TOP2A: variants seen among roughly 807,000 people sequenced by gnomAD.
TOP2A encodes DNA topoisomerase 2-alpha.
In TOP2A, 68 loss-of-function variants were observed where a neutral mutation model predicts 187.2. The observed-to-expected ratio is 0.36, with a 90% confidence interval of 0.30 to 0.44. TOP2A has a LOEUF of 0.44. Among genes scored for constraint, TOP2A ranks in the 20% least tolerant of loss-of-function variants. The pLI, the probability that TOP2A is intolerant of heterozygous loss-of-function variation, is 1.00. For missense variants in TOP2A, 1,196 were observed against 1,808.7 expected, an observed-to-expected ratio of 0.66 and a Z score of 6.14; for synonymous variants, 542 against 593.2, an observed-to-expected ratio of 0.91 and a Z score of 1.25.
intron 19 of TOP2A, among the ~76,000 whole-genome samples, chr17:40,403,609 A>T (rs2035206865): frequency 6.6e-6 from 1 of 152,250 alleles, no homozygotes; most frequent in African/African-American, 2.4e-5. Context: ...TTACATAATT[A>T]ATGCAAAAAG....
chr17:40,392,743 G>C lies in TOP2A; in HGVS notation c.3812-6C>G. The C allele has an allele frequency of 6.2e-7, 1 of 1,600,310 alleles. No homozygotes were observed. Among genetic ancestry groups the C allele is most frequent in the Non-Finnish European group, 8.5e-7 (1 of 1,176,380 alleles). On this transcript the variant is annotated splice_polypyrimidine_tract_variant and splice_region_variant and intron_variant, in intron 29 of 34. Transcript: ENST00000423485. Reference sequence around the variant, plus strand: ...TTGTTTCTTTGTCTTTGTACCTAGAGGGGAGATAGAAATTAATCACCTTTA... The same window carrying C: ...TTGTTTCTTTGTCTTTGTACCTAGACGGGAGATAGAAATTAATCACCTTTA...
Position 40,399,039 on chromosome 17 carries a change from C to T in TOP2A, c.3288+1G>A. ...TATAGAAAAGTGCCACCCAAGATTACCTTTTGCTGGGCTTCTTTCCAGGCC... is the reference window on the plus strand; with the variant it reads ...TATAGAAAAGTGCCACCCAAGATTATCTTTTGCTGGGCTTCTTTCCAGGCC... On this transcript the variant is annotated splice_donor_variant, in intron 25 of 34. Transcript: ENST00000423485. LOFTEE classifies it high-confidence loss of function. 6.3e-7 allele frequency: 1 copy of T among 1,591,952 alleles called. No individual in the cohort carries two copies. Among genetic ancestry groups the T allele is most frequent in the Admixed American group, 1.8e-5 (1 of 56,154 alleles).
chr17:40,414,483 T>C (rs1457308725), intron 4 of TOP2A, among the ~76,000 whole-genome samples: 4 of 151,914 alleles, frequency 2.6e-5, no homozygotes, highest in Non-Finnish European at 5.9e-5. Context: ...ATTACAGGAG[T>C]GAGTCATCAT....
intron 1 of TOP2A, 128 bp downstream of exon 1, chr17:40,417,643 G>A (rs2035408934): frequency 1.9e-6 from 3 of 1,541,204 alleles, no homozygotes; most frequent in Non-Finnish European, 1.8e-6. Context: ...AACCGGGAAT[G>A]GAGAATATGG....
In TOP2A at chr17:40,398,590, CT is replaced by C; in HGVS notation, c.3504del (p.Glu1169LysfsTer55). The C allele has an allele frequency of 6.3e-7, 1 of 1,590,194 alleles. No homozygotes were observed. Among genetic ancestry groups the C allele is most frequent in the Non-Finnish European group, 8.6e-7 (1 of 1,166,636 alleles). The part of the protein sequence containing the change: ...LKRKSPSDLW[K>X]EDLATFIEEL... ...TCTTCAATAAATGTAGCCAAGTCTT[CT>C]TTCCACAAATCTGATGGACTCTTTC... On this transcript the variant is annotated frameshift_variant, in exon 27 of 35. Coordinates refer to ENST00000423485, the MANE Select transcript of TOP2A (RefSeq NM_001067.4). LOFTEE classifies it high-confidence loss of function.
chr17:40,416,600 A>G lies in TOP2A; in HGVS notation c.178-88T>C. ...TTACCATAAAGTGTTCATATTAAGT[A>G]TTACCATATTTAGGCCAGTTCCAGT... On this transcript the variant is annotated intron_variant, in intron 2 of 34. Transcript: ENST00000423485. 3 of 1,421,530 alleles carry G rather than the reference A, an allele frequency of 2.1e-6. No individual in the cohort carries two copies. The Admixed American group carries it at 5.3e-5, about 25-fold the overall frequency. 88.1% of individuals were successfully genotyped at this position (1,421,530 alleles called of 1,614,324 possible).
chr17:40,401,616 G>A (rs952915994), intron 20 of TOP2A, among the ~76,000 whole-genome samples: 8 of 152,114 alleles, frequency 5.3e-5, no homozygotes, highest in African/African-American at 1.9e-4. Flanking sequence ...GGCTGAGGCA[G>A]GAGAATCACT....
intron 32 of TOP2A, 72 bp downstream of exon 32, chr17:40,391,996 A>G (rs1313910423): frequency 6.7e-7 from 1 of 1,492,780 alleles, no homozygotes; most frequent in African/African-American, 1.4e-5. Context: ...TAATGTAGCC[A>G]GGATTAGAAC....
At chr17:40,391,899 C>T (rs1178539435) in intron 32 of TOP2A, 169 bp downstream of exon 32, 3 of 797,922 alleles carry the variant, frequency 3.8e-6, no homozygotes, top group Middle Eastern at 3.7e-4. Flanking sequence ...AATGCAGTAC[C>T]TATTTACATG....
intron 2 of TOP2A, 106 bp downstream of exon 2, chr17:40,416,634 G>A (rs2035393783): frequency 6.9e-7 from 1 of 1,449,518 alleles, no homozygotes; most frequent in Admixed American, 1.8e-5. Context: ...GTGACACTCA[G>A]TACATGAGAG....
At chr17:40,403,199 T>C (rs941384083) in intron 19 of TOP2A, 145 bp from the exon 20 acceptor site, 20 of 782,482 alleles carry the variant, frequency 2.6e-5, no homozygotes, top group Non-Finnish European at 3.1e-5. Flanking sequence ...GAAATAGTAC[T>C]TGAACCTACA....
chr17:40,410,422 G>T (rs991024037), intron 10 of TOP2A, among the ~76,000 whole-genome samples: 52 of 152,318 alleles, frequency 3.4e-4, no homozygotes, highest in African/African-American at 1.2e-3. Flanking sequence ...GATCTTTCTT[G>T]TTGGCCAAAT....
Position 40,395,538 on chromosome 17 carries a change from T to G in TOP2A, c.3722A>C (p.Asn1241Thr), listed in dbSNP as rs768889807. ...TTGAGGGCTTCCTTCAGTATTTTCA[T>G]TCTAAAAGATAGCAAAGTTAGGGTT... ...AEKKNKKKIK[N>T]ENTEGSPQED... The change falls in exon 29 of 35, where the codon AAT becomes ACT. Residue 1241 changes from asparagine (N) to threonine (T), a missense_variant and splice_region_variant. Asn to Thr is a moderately conservative substitution (Grantham distance 65, BLOSUM62 0). Around this residue, in one of 10 missense-constraint regions of TOP2A, gnomAD observed 374 missense variants for 403.3 expected, o/e 0.93. Coordinates refer to ENST00000423485, the MANE Select transcript of TOP2A (RefSeq NM_001067.4). The G allele has an allele frequency of 5.0e-6, 8 of 1,596,688 alleles. No individual in the cohort carries two copies. In the East Asian group the frequency reaches 1.6e-4, roughly 31 times the overall value.
chr17:40,396,508 A>G, intron 27 of TOP2A, 43 bp from the exon 28 acceptor site: 1 of 1,584,366 alleles, frequency 6.3e-7, no homozygotes, highest in African/African-American at 1.4e-5. Context: ...TGTTAACAAA[A>G]ACATTACAAT....
rs768526879 is a variant in TOP2A at position 40,399,090 on chromosome 17, T to C, written c.3238A>G (p.Arg1080Gly). 2 of 1,581,678 alleles carry C rather than the reference T, an allele frequency of 1.3e-6. No homozygotes were observed. Among genetic ancestry groups the C allele is most frequent in the East Asian group, 2.3e-5 (1 of 43,758 alleles). ...KKELIKVLIQRGYDSDPVKAW... is the reference protein window; with the variant it reads ...KKELIKVLIQGGYDSDPVKAW... ...TTCACAGGATCCGAATCATATCCCC[T>C]CTGAATCAGAACTTTAATTAATTCT... The change falls in exon 25 of 35, where the codon AGG becomes GGG. Residue 1080 changes from arginine (R) to glycine (G), a missense_variant. Transcript: ENST00000423485.
chr17:40,402,784 G>T lies in TOP2A; in HGVS notation c.2432+122C>A, dbSNP rs2143654231. 2.9e-6 allele frequency: 3 copies of T among 1,028,378 alleles called. No homozygotes were observed. The East Asian group carries it at 7.9e-5, about 27-fold the overall frequency. 63.7% of individuals were successfully genotyped at this position (1,028,378 alleles called of 1,614,324 possible). On this transcript the variant is annotated intron_variant, in intron 20 of 34. Transcript: ENST00000423485. ...CTTTCCTGTATAAGCCTCACCCCTG[G>T]CCTCTGCCACTAGATGCCAGTATCT...
rs373052063 is a variant in TOP2A, at chr17:40,416,463, G to A, written c.227C>T (p.Thr76Ile). Reference sequence around the variant, plus strand: ...GATTTTGTACAAACCAGGAACAAAAGTGACTTCCCTATAGTTAATGCCAAC... The same window carrying A: ...GATTTTGTACAAACCAGGAACAAAAATGACTTCCCTATAGTTAATGCCAAC... ...EDVGINYREVTFVPGLYKIFD... is the reference protein window; with the variant it reads ...EDVGINYREVIFVPGLYKIFD... The change falls in exon 3 of 35, where the codon ACT becomes ATT. Residue 76 changes from threonine to isoleucine, a missense_variant. Physicochemically the swap from Thr to Ile is moderately conservative, Grantham distance 89. Around this residue, in one of 10 missense-constraint regions of TOP2A, gnomAD observed 97 missense variants for 171.0 expected, o/e 0.57. Coordinates refer to ENST00000423485, the MANE Select transcript of TOP2A (RefSeq NM_001067.4). 2 of 1,604,414 alleles carry A rather than the reference G, an allele frequency of 1.2e-6. No homozygotes were observed. Among genetic ancestry groups the A allele is most frequent in the African/African-American group, 2.7e-5 (2 of 74,744 alleles).
intron 16 of TOP2A, among the ~76,000 whole-genome samples, chr17:40,405,179 A>G (rs915348019): frequency 5.7e-5 from 8 of 141,082 alleles, no homozygotes; most frequent in African/African-American, 2.2e-4. Flanking sequence ...TTTTTTTTTG[A>G]AATGGAGTTT....
At position 40,416,912 on chromosome 17, in the gene TOP2A, A is replaced by G. The variant is rs2035396419; in HGVS notation, c.22-17T>C. 7 of 1,569,614 alleles carry G rather than the reference A, an allele frequency of 4.5e-6. No individual in the cohort carries two copies. Among genetic ancestry groups the G allele is most frequent in the African/African-American group, 4.1e-5 (3 of 72,740 alleles). ...ATTTACAGGCTAGCAATTAAAAAAA[A>G]AGAGAGAAAGAAGGGAATTTTTAAT... On this transcript the variant is annotated splice_polypyrimidine_tract_variant and intron_variant, in intron 1 of 34. Transcript: ENST00000423485.
Sources: allele counts gnomAD v4.1 joint callset (sites outside exome capture counted in the v4.1 genomes callset), GRCh38; gene constraint gnomAD v4.1.1; regional missense constraint gnomAD v4.1.1; transcripts MANE v1.5; gene names NCBI Gene and HGNC (gene_info 2026-07-23, HGNC 2026-07-21).